The following ARHGAP15 variants were observed in gnomAD, a reference collection of about 807,000 sequenced individuals.
ARHGAP15 encodes rho GTPase-activating protein 15.
Under a neutral mutation model 63.7 loss-of-function variants are expected in ARHGAP15, and 51 were observed. The ratio of observed to expected loss-of-function variants is 0.80; its 90% CI spans 0.64 to 1.01. The LOEUF is 1.01. Ranked by LOEUF, ARHGAP15 falls within the 50% of genes least tolerant of loss-of-function variation. The pLI is 0.00. For synonymous variants in ARHGAP15, 191 were observed against 193.8 expected (o/e 0.99, Z 0.12); for missense variants, 560 against 564.6 (o/e 0.99, Z 0.08).
At chr2:143,704,442 GGGAAA>G (rs2105425802) in intron 13 of ARHGAP15, among the ~76,000 whole-genome samples, 1 of 152,194 alleles carries the variant, frequency 6.6e-6, no homozygotes, top group Admixed American at 6.5e-5. Context: ...GGATACCATT[GGGAAA>G]GGAAAGGAGA....
At chr2:143,379,825 CAAAT>C (rs1287911233) in intron 6 of ARHGAP15, among the ~76,000 whole-genome samples, 3 of 151,156 alleles carry the variant, frequency 2.0e-5, no homozygotes, top group Non-Finnish European at 4.4e-5. Flanking sequence ...GTAAAGGAAA[CAAAT>C]ACACAAATAG....
intron 12 of ARHGAP15, among the ~76,000 whole-genome samples, chr2:143,696,981 A>C (rs1297906768): frequency 1.3e-5 from 2 of 152,198 alleles, no homozygotes; most frequent in African/African-American, 2.4e-5. Context: ...CCTTCCTTTT[A>C]ATTAAATATA....
chr2:143,551,437 G>T (rs1695556389), intron 10 of ARHGAP15, among the ~76,000 whole-genome samples: 1 of 152,152 alleles, frequency 6.6e-6, no homozygotes, highest in Non-Finnish European at 1.5e-5. Context: ...TTGTTGGTGT[G>T]AGCCACTGAA....
chr2:143,252,224 T>C (rs1490822519), intron 6 of ARHGAP15, among the ~76,000 whole-genome samples: 2 of 152,044 alleles, frequency 1.3e-5, no homozygotes, highest in Non-Finnish European at 2.9e-5. Flanking sequence ...ATTTGATGCA[T>C]ACAGGGCTGA....
chr2:143,469,388 G>T (rs1240358782), intron 8 of ARHGAP15, among the ~76,000 whole-genome samples: 1 of 152,182 alleles, frequency 6.6e-6, no homozygotes, highest in Non-Finnish European at 1.5e-5. Flanking sequence ...ACCGATGTGA[G>T]ATACAAATAC....
intron 5 of ARHGAP15, among the ~76,000 whole-genome samples, chr2:143,234,526 A>G (rs576827378): frequency 6.6e-6 from 1 of 152,304 alleles, no homozygotes; most frequent in Admixed American, 6.5e-5. Context: ...AATCTAAATT[A>G]ACAGTATAAA....
chr2:143,380,232 G>A (rs1687004001), intron 6 of ARHGAP15, among the ~76,000 whole-genome samples: 1 of 152,082 alleles, frequency 6.6e-6, no homozygotes, highest in Non-Finnish European at 1.5e-5. Flanking sequence ...AGTATAGTAG[G>A]AAGAACGTTA....
chr2:143,220,411 A>G (rs1193997755), intron 4 of ARHGAP15, among the ~76,000 whole-genome samples: 1 of 152,102 alleles, frequency 6.6e-6, no homozygotes, highest in African/African-American at 2.4e-5. Flanking sequence ...GGGTCTCGCC[A>G]TGTTGCTCAG....
intron 1 of ARHGAP15, among the ~76,000 whole-genome samples, chr2:143,138,214 G>T (rs189677635): frequency 6.6e-6 from 1 of 151,928 alleles, no homozygotes; most frequent in East Asian, 1.9e-4. Context: ...AATTGCATTT[G>T]GTATCCACAA....
chr2:143,395,809 G>A (rs2104981423), intron 6 of ARHGAP15, among the ~76,000 whole-genome samples: 1 of 152,174 alleles, frequency 6.6e-6, no homozygotes, highest in Middle Eastern at 3.4e-3. Flanking sequence ...TAAGGCCTGT[G>A]AGGTAGACAG....
chr2:143,712,339 A>G lies in ARHGAP15; in HGVS notation c.1244+8815A>G, dbSNP rs1002661465. Among the ~76,000 whole-genome samples, 4 of 152,246 alleles carry G rather than the reference A, an allele frequency of 2.6e-5. No individual in the cohort carries two copies. The East Asian group carries it at 7.7e-4, about 29-fold the overall frequency. The stretch of plus-strand genomic sequence containing the variant: ...ACCAAACTGGAGGCATGAAAAAAGC[A>G]GAAATTTTGTTAACATAATGTGACT... On this transcript the variant is annotated intron_variant, in intron 13 of 13. Transcript: ENST00000295095.
chr2:143,372,489 T>C (rs1472345155), intron 6 of ARHGAP15, among the ~76,000 whole-genome samples: 1 of 151,972 alleles, frequency 6.6e-6, no homozygotes, highest in African/African-American at 2.4e-5. Flanking sequence ...GTAGACAAAT[T>C]AAGATAGAAA....
chr2:143,384,929 G>A (rs1311801726), intron 6 of ARHGAP15, among the ~76,000 whole-genome samples: 1 of 152,054 alleles, frequency 6.6e-6, no homozygotes. Flanking sequence ...CTTTACTTTG[G>A]AACACTGAAT....
chr2:143,328,733 T>TA (rs576639223), intron 6 of ARHGAP15, among the ~76,000 whole-genome samples: 45 of 151,790 alleles, frequency 3.0e-4, no homozygotes, highest in Middle Eastern at 3.4e-3. Context: ...TAAAGTATAA[T>TA]AAAAAAATAG....
At chr2:143,702,257 C>G (rs1684122767) in intron 12 of ARHGAP15, among the ~76,000 whole-genome samples, 2 of 152,298 alleles carry the variant, frequency 1.3e-5, no homozygotes, top group South Asian at 2.1e-4. Flanking sequence ...CTGGTTAAAA[C>G]TGTGGAAAGA....
chr2:143,161,010 AT>A (rs1247746653), intron 2 of ARHGAP15, among the ~76,000 whole-genome samples: 4 of 151,994 alleles, frequency 2.6e-5, no homozygotes, highest in Admixed American at 2.6e-4. Context: ...CATGAGATAC[AT>A]TTTTTTAAAA....
intron 3 of ARHGAP15, among the ~76,000 whole-genome samples, chr2:143,203,487 T>C (rs771774927): frequency 6.6e-6 from 1 of 152,132 alleles, no homozygotes; most frequent in Non-Finnish European, 1.5e-5. Flanking sequence ...TTAACCCAAT[T>C]GATAGCTCTC....
At chr2:143,663,706 A>C (rs1681972035) in intron 12 of ARHGAP15, among the ~76,000 whole-genome samples, 1 of 151,688 alleles carries the variant, frequency 6.6e-6, no homozygotes, top group Non-Finnish European at 1.5e-5. Context: ...GCTCAAAATA[A>C]AAGGATGGAG....
chr2:143,252,932 T>G (rs1680229500), intron 6 of ARHGAP15, among the ~76,000 whole-genome samples: 1 of 152,074 alleles, frequency 6.6e-6, no homozygotes, highest in Admixed American at 6.6e-5. Context: ...AAACATGGTA[T>G]TAAGGCATTG....
Sources: allele counts gnomAD v4.1 joint callset (sites outside exome capture counted in the v4.1 genomes callset), GRCh38; gene constraint gnomAD v4.1.1; transcripts MANE v1.5; gene names NCBI Gene and HGNC (gene_info 2026-07-23, HGNC 2026-07-21).